The following DPYD variants were observed in gnomAD, a reference collection of about 807,000 sequenced individuals.
The protein encoded by DPYD is dihydropyrimidine dehydrogenase [NADP(+)].
A neutral mutation model predicts 116.2 loss-of-function variants in DPYD; 109 were observed. That is an observed-to-expected ratio of 0.94 (90% CI 0.80 to 1.10). DPYD has a LOEUF of 1.10. Among genes scored for constraint, DPYD ranks in the 50% least tolerant of loss-of-function variants. DPYD has a pLI of 0.00. For missense variants in DPYD, 1,302 were observed against 1,254.5 expected (o/e 1.04, Z -0.57); for synonymous variants, 440 against 432.0 (o/e 1.02, Z -0.23).
chr1:97,529,492 T>C (rs962761559), intron 12 of DPYD, among the ~76,000 whole-genome samples: 11 of 152,168 alleles, frequency 7.2e-5, no homozygotes, highest in African/African-American at 2.7e-4. Flanking sequence ...CACAGCCTTA[T>C]TGAGGTACAA....
chr1:97,604,569 A>T (rs1224895672), intron 8 of DPYD, among the ~76,000 whole-genome samples: 1 of 152,084 alleles, frequency 6.6e-6, no homozygotes, highest in Non-Finnish European at 1.5e-5. Flanking sequence ...TTTCCAAAAA[A>T]ATTACTGTTC....
intron 14 of DPYD, among the ~76,000 whole-genome samples, chr1:97,443,034 A>G (rs764341708): frequency 5.9e-5 from 9 of 152,208 alleles, no homozygotes; most frequent in Non-Finnish European, 1.2e-4. Context: ...GGTCACACAG[A>G]TGAGGAATTG....
chr1:97,201,687 C>T (rs4949945), intron 19 of DPYD, among the ~76,000 whole-genome samples: 108,901 of 151,980 alleles, frequency 0.72, 40,267 homozygotes, highest in East Asian at 0.99. Context: ...TAGTTTCTAT[C>T]TGTTGGAGCT....
chr1:97,223,729 T>C (rs980366270), intron 19 of DPYD, among the ~76,000 whole-genome samples: 11 of 152,182 alleles, frequency 7.2e-5, no homozygotes, highest in African/African-American at 4.8e-5. Context: ...AATTATAGTC[T>C]AGTACTTGAA....
At chr1:97,570,639 G>A (rs1262443795) in intron 11 of DPYD, among the ~76,000 whole-genome samples, 1 of 151,808 alleles carries the variant, frequency 6.6e-6, no homozygotes, top group Non-Finnish European at 1.5e-5. Context: ...CTTTGGCTAT[G>A]GGGAGTACTA....
chr1:97,800,937 T>C (rs1210079536), intron 3 of DPYD, among the ~76,000 whole-genome samples: 2 of 151,980 alleles, frequency 1.3e-5, no homozygotes, highest in Non-Finnish European at 2.9e-5. Flanking sequence ...TCCTTCCTCC[T>C]CTGCACAGCC....
chr1:97,546,701 A>C, intron 12 of DPYD: 9 of 1,613,168 alleles, frequency 5.6e-6, no homozygotes, highest in Non-Finnish European at 7.6e-6. Context: ...TGTACACTAA[A>C]AGATACAGAG....
At chr1:97,087,092 C>T (rs1649569538) in intron 21 of DPYD, among the ~76,000 whole-genome samples, 1 of 152,176 alleles carries the variant, frequency 6.6e-6, no homozygotes, top group African/African-American at 2.4e-5. Context: ...CTAATGCTCC[C>T]AAGTCAAAAG....
At chr1:97,663,360 G>A (rs1039970129) in intron 8 of DPYD, among the ~76,000 whole-genome samples, 2 of 152,092 alleles carry the variant, frequency 1.3e-5, no homozygotes, top group African/African-American at 4.8e-5. Flanking sequence ...AAAACATCCC[G>A]ACTTGTACCT....
At chr1:97,192,980 G>T in intron 20 of DPYD, 89 bp downstream of exon 20, 1 of 1,453,084 alleles carries the variant, frequency 6.9e-7, no homozygotes, top group South Asian at 1.2e-5. Context: ...TGTTTCCTTT[G>T]TTAGTGAGAA....
chr1:97,720,004 GTC>G (rs1662828595), intron 5 of DPYD: 1 of 984,864 alleles, frequency 1.0e-6, no homozygotes, highest in African/African-American at 1.7e-5. Context: ...GAAGGCACAT[GTC>G]TCTGTCTTAA....
Position 97,795,875 on chromosome 1 carries a change from T to C in DPYD, c.233+32239A>G, listed in dbSNP as rs894312410. On this transcript the variant is annotated intron_variant, in intron 3 of 22. Coordinates refer to ENST00000370192, the MANE Select transcript of DPYD (RefSeq NM_000110.4). ...TAATGAAACACTCTTTTTATTATAATAAAATGCAATAAAAAGTGTTCTTCC... is the reference window on the plus strand; with the variant it reads ...TAATGAAACACTCTTTTTATTATAACAAAATGCAATAAAAAGTGTTCTTCC... 6.6e-5 allele frequency among the ~76,000 whole-genome samples: 10 copies of C among 152,130 alleles called. No individual in the cohort carries two copies. The East Asian group carries it at 1.9e-3, about 29-fold the overall frequency.
intron 15 of DPYD, among the ~76,000 whole-genome samples, chr1:97,379,967 T>C (rs909841213): frequency 1.1e-4 from 16 of 152,348 alleles, no homozygotes; most frequent in African/African-American, 2.6e-4. Context: ...GAATGCACCA[T>C]ATTGCACTTG....
At chr1:97,605,359 G>A (rs1655522544) in intron 8 of DPYD, among the ~76,000 whole-genome samples, 1 of 151,920 alleles carries the variant, frequency 6.6e-6, no homozygotes, top group South Asian at 2.1e-4. Context: ...CTGAATCATG[G>A]GGGTGATTTC....
intron 8 of DPYD, among the ~76,000 whole-genome samples, chr1:97,608,753 A>G (rs1284232011): frequency 6.6e-6 from 1 of 151,716 alleles, no homozygotes; most frequent in Non-Finnish European, 1.5e-5. Context: ...TATGCATTTA[A>G]TATAAATTTA....
At chr1:97,453,892 G>A (rs1368788336) in intron 13 of DPYD, among the ~76,000 whole-genome samples, 1 of 152,038 alleles carries the variant, frequency 6.6e-6, no homozygotes, top group African/African-American at 2.4e-5. Context: ...TTATGATAGA[G>A]AATGCTTATT....
At chr1:97,424,310 T>A (rs1249340326) in intron 14 of DPYD, among the ~76,000 whole-genome samples, 4 of 152,004 alleles carry the variant, frequency 2.6e-5, no homozygotes, top group African/African-American at 9.7e-5. Flanking sequence ...TATGCAGAAA[T>A]AACCATAATG....
intron 13 of DPYD, among the ~76,000 whole-genome samples, chr1:97,496,431 A>T (rs1679270428): frequency 1.3e-5 from 2 of 152,024 alleles, no homozygotes; most frequent in Non-Finnish European, 2.9e-5. Flanking sequence ...TCTAAAATGC[A>T]CATCCAAGCC....
intron 19 of DPYD, among the ~76,000 whole-genome samples, chr1:97,219,040 T>A (rs1420916962): frequency 1.3e-5 from 2 of 152,160 alleles, no homozygotes; most frequent in African/African-American, 4.8e-5. Context: ...AAGATAGTAA[T>A]CATCAGGTAG....
Sources: allele counts gnomAD v4.1 joint callset (sites outside exome capture counted in the v4.1 genomes callset), GRCh38; gene constraint gnomAD v4.1.1; transcripts MANE v1.5; gene names NCBI Gene and HGNC (gene_info 2026-07-23, HGNC 2026-07-21).